Variants in LRRC2 observed in about 807,000 individuals in gnomAD.
LRRC2 encodes leucine-rich repeat-containing protein 2.
Under a neutral mutation model 40.2 loss-of-function variants are expected in LRRC2, and 27 were observed. That is an observed-to-expected ratio of 0.67 (90% CI 0.49 to 0.93). LRRC2 has a LOEUF of 0.93. LRRC2 is among the 40% of genes least tolerant of loss of function. LRRC2 has a pLI of 0.00. For synonymous variants in LRRC2, 147 were observed against 158.9 expected (o/e 0.92, Z 0.56); for missense variants, 402 against 439.6 (o/e 0.91, Z 0.76).
chr3:46,551,235 T>G, intron 2 of LRRC2: 1 of 365,660 alleles, frequency 2.7e-6, no homozygotes, highest in Non-Finnish European at 4.9e-6. Context: ...TCGGTCTTCC[T>G]CGTGCCTACC....
chr3:46,551,855 G>A (rs1256418487), intron 1 of LRRC2, among the ~76,000 whole-genome samples: 3 of 148,874 alleles, frequency 2.0e-5, no homozygotes, highest in Non-Finnish European at 1.5e-5. Context: ...CTGGAATGCA[G>A]TGGCACGATC....
At position 46,529,919 on chromosome 3, in the gene LRRC2, C is replaced by T. The variant is rs1212520152; in HGVS notation, c.759G>A (p.Pro253=). 6 of 1,614,032 alleles carry T rather than the reference C, an allele frequency of 3.7e-6. No individual in the cohort carries two copies. Among genetic ancestry groups the T allele is most frequent in the Admixed American group, 1.7e-5 (1 of 59,988 alleles). The change falls in exon 6 of 9, where the codon CCG becomes CCA. Residue 253 remains proline (P), a synonymous_variant. Transcript: ENST00000395905. Reference sequence around the variant, plus strand: ...CAAGTAGCTACCTGTCTATATCTTGCGGCAGGTCGGTCAGGTTATTGCTGC... The same window carrying T: ...CAAGTAGCTACCTGTCTATATCTTGTGGCAGGTCGGTCAGGTTATTGCTGC... ...DISSNNLTDL[P]QDIDRLEELQ... is the part of the protein sequence containing the mutation.
chr3:46,551,492 T>G lies in LRRC2; in HGVS notation c.100A>C (p.Arg34=). 4.3e-6 allele frequency: 7 copies of G among 1,613,968 alleles called. No homozygotes were observed. Among genetic ancestry groups the G allele is most frequent in the Non-Finnish European group, 5.9e-6 (7 of 1,179,946 alleles). Residue 34 remains arginine (R), a synonymous_variant, in exon 2 of 9, where the codon AGG becomes CGG. Transcript: ENST00000395905. ...TTCTCCAAGGCGCTCTTCTCAAGCCTTTCCACCTCCTTCTTCTGCCAAGCT... is the reference window on the plus strand; with the variant it reads ...TTCTCCAAGGCGCTCTTCTCAAGCCGTTCCACCTCCTTCTTCTGCCAAGCT... The part of the protein sequence containing the change: ...HKAWQKKEVE[R]LEKSALEKIK...
At chr3:46,550,546 C>G (rs531162305) in intron 2 of LRRC2, among the ~76,000 whole-genome samples, 2 of 152,152 alleles carry the variant, frequency 1.3e-5, no homozygotes, top group African/African-American at 2.4e-5. Context: ...CGCCCGCCAC[C>G]ACGCCCGGCT....
In LRRC2 at chr3:46,529,919, C is replaced by A. The variant is rs1212520152; in HGVS notation, c.759G>T (p.Pro253=). The A allele has an allele frequency of 2.5e-6, 4 of 1,614,034 alleles. No individual in the cohort carries two copies. The highest frequency in any genetic ancestry group is 3.3e-5 in the Admixed American group (2 of 59,990). ...DISSNNLTDL[P]QDIDRLEELQ... is the part of the protein sequence containing the mutation. ...CAAGTAGCTACCTGTCTATATCTTGCGGCAGGTCGGTCAGGTTATTGCTGC... is the reference window on the plus strand; with the variant it reads ...CAAGTAGCTACCTGTCTATATCTTGAGGCAGGTCGGTCAGGTTATTGCTGC... Residue 253 remains proline (P), a synonymous_variant, in exon 6 of 9, where the codon CCG becomes CCT. Transcript: ENST00000395905.
chr3:46,524,175 C>G (rs907692463), intron 7 of LRRC2, among the ~76,000 whole-genome samples: 3 of 152,178 alleles, frequency 2.0e-5, no homozygotes, highest in Non-Finnish European at 4.4e-5. Context: ...GAGAATGAGA[C>G]AGCAGAATTT....
At chr3:46,562,879 C>T (rs1269543799) in intron 1 of LRRC2, among the ~76,000 whole-genome samples, 3 of 152,072 alleles carry the variant, frequency 2.0e-5, no homozygotes, top group African/African-American at 4.8e-5. Context: ...GCAAAAGCCA[C>T]CATATCCGGC....
chr3:46,532,411 C>T (rs1704178238), intron 5 of LRRC2, among the ~76,000 whole-genome samples: 1 of 152,122 alleles, frequency 6.6e-6, no homozygotes, highest in South Asian at 2.1e-4. Context: ...TAGAGACCAG[C>T]CTGGCCAACA....
At chr3:46,549,417 A>G (rs1363803273) in intron 2 of LRRC2, among the ~76,000 whole-genome samples, 1 of 152,182 alleles carries the variant, frequency 6.6e-6, no homozygotes, top group East Asian at 1.9e-4. Context: ...GAGGCTGAGA[A>G]ACTAAGTTCC....
Position 46,527,496 on chromosome 3 carries a change from G to A in LRRC2, c.859C>T (p.Leu287=). Residue 287 remains leucine (L), a synonymous_variant, in exon 7 of 9, where the codon CTG becomes TTG. Coordinates refer to ENST00000395905, the MANE Select transcript of LRRC2 (RefSeq NM_024512.5). ...YSMLNLKKLT[L]LVVSGDHLVE... is the part of the protein sequence containing the mutation. ...AAATGGTCCCCACTGACGACTAACAGAGTGAGCTTCTTCAGGTTCAGCATG... is the reference window on the plus strand; with the variant it reads ...AAATGGTCCCCACTGACGACTAACAAAGTGAGCTTCTTCAGGTTCAGCATG... The A allele has an allele frequency of 1.2e-6, 2 of 1,613,976 alleles. No individual in the cohort carries two copies. Among genetic ancestry groups the A allele is most frequent in the Non-Finnish European group, 8.5e-7 (1 of 1,179,898 alleles).
chr3:46,546,283 AG>A (rs1304516307), intron 2 of LRRC2, among the ~76,000 whole-genome samples: 2 of 152,216 alleles, frequency 1.3e-5, no homozygotes, highest in Non-Finnish European at 2.9e-5. Flanking sequence ...ATCTGAAGGA[AG>A]GGTGGTTCAG....
intron 2 of LRRC2, among the ~76,000 whole-genome samples, chr3:46,546,722 T>TC (rs977035579): frequency 1.4e-5 from 2 of 147,074 alleles, no homozygotes; most frequent in African/African-American, 5.0e-5. Context: ...CTCCTTTTTT[T>TC]TTTTTTTTTT....
chr3:46,523,950 T>C (rs1228241330), intron 7 of LRRC2, among the ~76,000 whole-genome samples: 1 of 152,238 alleles, frequency 6.6e-6, no homozygotes, highest in Non-Finnish European at 1.5e-5. Context: ...TTAAGGTTAA[T>C]ACTATACACA....
At position 46,530,185 on chromosome 3, in the gene LRRC2, T is replaced by A; in HGVS notation, c.628-135A>T. The stretch of plus-strand genomic sequence containing the variant: ...ATGCAAAGCAGATCAATACAGTATG[T>A]ATTTTGAAGCACCTCAGATGTGTCA... On this transcript the variant is annotated intron_variant, in intron 5 of 8. Coordinates refer to ENST00000395905, the MANE Select transcript of LRRC2 (RefSeq NM_024512.5). 2.4e-5 allele frequency: 17 copies of A among 704,516 alleles called. 1 individual carries two copies. In the South Asian group the frequency reaches 3.1e-4, roughly 13 times the overall value. The allele number at this position is 704,516 out of a possible 1,614,324, so 43.6% of individuals were successfully genotyped here.
chr3:46,561,497 G>A (rs1230434723), intron 1 of LRRC2, among the ~76,000 whole-genome samples: 1 of 152,158 alleles, frequency 6.6e-6, no homozygotes, highest in African/African-American at 2.4e-5. Flanking sequence ...ATGTTGCAGT[G>A]AGCTGAGATT....
intron 3 of LRRC2, among the ~76,000 whole-genome samples, chr3:46,541,106 G>A (rs950273838): frequency 6.6e-6 from 1 of 152,094 alleles, no homozygotes; most frequent in Non-Finnish European, 1.5e-5. Context: ...GGCCGAGGCG[G>A]GCAGATCACG....
rs1279774872 is a variant in LRRC2 at position 46,529,902 on chromosome 3, T to C, written c.773+3A>G. 1.2e-6 allele frequency: 2 copies of C among 1,613,878 alleles called. No individual in the cohort carries two copies. Among genetic ancestry groups the C allele is most frequent in the Non-Finnish European group, 1.7e-6 (2 of 1,179,976 alleles). ...CACCTCACCTTAGAATGCAAGTAGCTACCTGTCTATATCTTGCGGCAGGTC... is the reference window on the plus strand; with the variant it reads ...CACCTCACCTTAGAATGCAAGTAGCCACCTGTCTATATCTTGCGGCAGGTC... On this transcript the variant is annotated splice_donor_region_variant and intron_variant, in intron 6 of 8. Transcript: ENST00000395905.
chr3:46,541,281 C>T (rs1198446322), intron 3 of LRRC2, among the ~76,000 whole-genome samples: 1 of 144,642 alleles, frequency 6.9e-6, no homozygotes, highest in East Asian at 2.0e-4. Context: ...TGAAGTGAGC[C>T]GAGAATATGC....
At position 46,548,445 on chromosome 3, in the gene LRRC2, A is replaced by C. The variant is rs1704574465; in HGVS notation, c.125+3022T>G. On this transcript the variant is annotated intron_variant, in intron 2 of 8. Coordinates refer to ENST00000395905, the MANE Select transcript of LRRC2 (RefSeq NM_024512.5). The stretch of plus-strand genomic sequence containing the variant: ...ATTCTCTTCCTTGAAAGTAATTAAA[A>C]TAAATAAAATTCGTTGTCTTTTCAC... Among the ~76,000 whole-genome samples the C allele has an allele frequency of 3.3e-5, 5 of 152,358 alleles. No individual in the cohort carries two copies. The South Asian group carries it at 1.0e-3, about 32-fold the overall frequency.
Sources: gnomAD v4.1 joint callset for allele counts (sites outside exome capture counted in the v4.1 genomes callset) on GRCh38, gnomAD v4.1.1 for gene constraint, MANE v1.5 for transcripts, NCBI Gene and HGNC (gene_info 2026-07-23, HGNC 2026-07-21) for gene names.